TRAF3IP3: variants seen among roughly 807,000 people sequenced by gnomAD.
TRAF3IP3 encodes TRAF3 interacting protein 3, also known as TRAF3-interacting JNK-activating modulator.
In TRAF3IP3, 64 loss-of-function variants were observed where a neutral mutation model predicts 86.5. The observed-to-expected ratio is 0.74, with a 90% CI of 0.60 to 0.91. The LOEUF (loss-of-function observed/expected upper bound fraction) is 0.91, where lower values mean the gene tolerates loss of function less well. Among genes scored for constraint, TRAF3IP3 ranks in the 40% least tolerant of loss-of-function variants. The probability of loss-of-function intolerance (pLI) is 0.00; values close to 1 mark genes in which losing one functional copy is unlikely to be tolerated. For synonymous variants in TRAF3IP3, 220 were observed against 243.9 expected, an observed-to-expected ratio of 0.90 and a Z score of 0.91; for missense variants, 579 against 642.9, an observed-to-expected ratio of 0.90 and a Z score of 1.07.
chr1:209,781,892 T>C, intron 16 of TRAF3IP3, 164 bp from the exon 17 acceptor site: 1 of 606,196 alleles, frequency 1.6e-6, no homozygotes, highest in East Asian at 2.8e-5. Context: ...TAAGTGGTTT[T>C]ATCCCAAGAC....
intron 2 of TRAF3IP3, 134 bp from the exon 3 acceptor site, chr1:209,759,848 T>C (rs1356662968): frequency 2.7e-5 from 16 of 588,656 alleles, no homozygotes; most frequent in Non-Finnish European, 2.4e-5. Context: ...CCCACTTTGA[T>C]ACCACCATGT....
At chr1:209,761,966 GC>G (rs1480327950) in intron 3 of TRAF3IP3, among the ~76,000 whole-genome samples, 4 of 152,280 alleles carry the variant, frequency 2.6e-5, no homozygotes, top group African/African-American at 4.8e-5. Context: ...GACCATTTCT[GC>G]CAGTCAGGAC....
intron 8 of TRAF3IP3, among the ~76,000 whole-genome samples, chr1:209,770,675 ATGGAGGTGTGTGTGTGCATG>A (rs1558018970): frequency 0.044 from 2,880 of 65,126 alleles, 32 homozygotes; most frequent in South Asian, 0.11. Context: ...GTGTGTGCAT[ATGGAGGTGTGTGTGTGCATG>A]TGGAGGTGTG....
intron 1 of TRAF3IP3, among the ~76,000 whole-genome samples, 159 bp downstream of exon 1, chr1:209,756,468 G>T (rs559261579): frequency 1.3e-5 from 2 of 152,224 alleles, no homozygotes; most frequent in African/African-American, 2.4e-5. Flanking sequence ...ATCCTGTATT[G>T]GTTTCCTGTG....
chr1:209,779,285 C>T, intron 13 of TRAF3IP3, 30 bp from the exon 14 acceptor site: 2 of 1,603,652 alleles, frequency 1.2e-6, no homozygotes, highest in Non-Finnish European at 1.7e-6. Flanking sequence ...AATATGCTAG[C>T]ATAGACAAGT....
intron 1 of TRAF3IP3, among the ~76,000 whole-genome samples, chr1:209,757,930 TAATA>T (rs2077181804): frequency 6.6e-6 from 1 of 152,182 alleles, no homozygotes; most frequent in Non-Finnish European, 1.5e-5. Context: ...TAGAGATGTT[TAATA>T]GCTTATCTAA....
In TRAF3IP3 at chr1:209,760,087, T is replaced by G; in HGVS notation, c.48T>G (p.Ala16=). Residue 16 remains alanine (A), a synonymous_variant, in exon 3 of 17, where the codon GCT becomes GCG. Coordinates refer to ENST00000367025, the MANE Select transcript of TRAF3IP3 (RefSeq NM_025228.4). ...CCTCCCCTGGCTTGGCCCGGTGGGC[T>G]GAGAGCTATGAGGCCAAGTGTGAGC... ...PRPSPGLARW[A]ESYEAKCERR... is the part of the protein sequence containing the mutation. The G allele has an allele frequency of 6.2e-7, 1 of 1,614,068 alleles. No individual in the cohort carries two copies. Among genetic ancestry groups the G allele is most frequent in the Non-Finnish European group, 8.5e-7 (1 of 1,179,986 alleles).
At position 209,762,806 on chromosome 1, in the gene TRAF3IP3, C is replaced by T; in HGVS notation, c.494-7C>T. The stretch of plus-strand genomic sequence containing the variant: ...AGTTCTAAATCAACTTATCCTCCAT[C>T]TCTCAGGTACTCAGACAAAGGCAGA... On this transcript the variant is annotated splice_polypyrimidine_tract_variant and splice_region_variant and intron_variant, in intron 4 of 16. Transcript: ENST00000367025. 6.5e-7 allele frequency: 1 copy of T among 1,543,928 alleles called. No homozygotes were observed. The highest frequency in any genetic ancestry group is 1.1e-5 in the South Asian group (1 of 89,822).
intron 11 of TRAF3IP3, 35 bp from the exon 12 acceptor site, chr1:209,777,317 C>A (rs1183546751): frequency 5.8e-6 from 9 of 1,564,906 alleles, no homozygotes; most frequent in Admixed American, 3.4e-5. Flanking sequence ...CCAACACTGA[C>A]CTCCTTCTAT....
At chr1:209,771,961 G>A (rs1571946593) in intron 8 of TRAF3IP3, among the ~76,000 whole-genome samples, 1 of 134,944 alleles carries the variant, frequency 7.4e-6, no homozygotes, top group East Asian at 3.1e-4. Flanking sequence ...ATGTGAAGGT[G>A]TGTGTGTGCA....
At chr1:209,768,122 A>G in intron 8 of TRAF3IP3, 5 of 984,974 alleles carry the variant, frequency 5.1e-6, no homozygotes, top group Non-Finnish European at 6.0e-6. Flanking sequence ...ATAAAAGTAT[A>G]GCCCCAAACT....
chr1:209,771,945 G>C (rs1348314746), intron 8 of TRAF3IP3, among the ~76,000 whole-genome samples: 1 of 141,844 alleles, frequency 7.1e-6, no homozygotes, highest in African/African-American at 2.6e-5. Context: ...GCAGGTGTGC[G>C]TGTGCATGTG....
Position 209,760,311 on chromosome 1 carries a change from G to A in TRAF3IP3, c.272G>A (p.Arg91Lys), listed in dbSNP as rs1234539851. The A allele has an allele frequency of 1.9e-6, 3 of 1,614,072 alleles. No individual in the cohort carries two copies. The Admixed American group carries it at 5.0e-5, about 27-fold the overall frequency. Residue 91 changes from arginine (R) to lysine (K), a missense_variant, in exon 3 of 17, where the codon AGG (arginine) becomes AAG (lysine). Transcript: ENST00000367025. ...CAGGCCAGGGAGCAAGGGCCCTCCAGGCGGCCAGGACAGGTGACTGTCCTC... is the reference window on the plus strand; with the variant it reads ...CAGGCCAGGGAGCAAGGGCCCTCCAAGCGGCCAGGACAGGTGACTGTCCTC... ...HPQAREQGPS[R>K]RPGQVTVLKE...
intron 8 of TRAF3IP3, among the ~76,000 whole-genome samples, chr1:209,764,508 G>A (rs773061771): frequency 7.2e-5 from 11 of 152,084 alleles, no homozygotes; most frequent in South Asian, 2.1e-4. Context: ...TTGGGAGCCC[G>A]AGGCGGGTGG....
chr1:209,779,261 A>T, intron 13 of TRAF3IP3, 54 bp from the exon 14 acceptor site: 2 of 1,520,752 alleles, frequency 1.3e-6, no homozygotes, highest in Non-Finnish European at 1.8e-6. Flanking sequence ...CTGAAAAGAA[A>T]ACTTTTTGTA....
At chr1:209,757,750 T>C (rs1422210982) in intron 1 of TRAF3IP3, among the ~76,000 whole-genome samples, 1 of 152,214 alleles carries the variant, frequency 6.6e-6, no homozygotes, top group East Asian at 1.9e-4. Context: ...AGGATAATAT[T>C]CGCAATTACT....
chr1:209,764,138 G>A (rs1184829467), intron 8 of TRAF3IP3, among the ~76,000 whole-genome samples: 7 of 152,194 alleles, frequency 4.6e-5, no homozygotes, highest in Non-Finnish European at 1.0e-4. Flanking sequence ...TCAGGCCTTT[G>A]ATTTTAGTCC....
chr1:209,771,042 A>G (rs1419287105), intron 8 of TRAF3IP3, among the ~76,000 whole-genome samples: 7 of 51,030 alleles, frequency 1.4e-4, no homozygotes, highest in South Asian at 7.5e-4. Flanking sequence ...GCTCAGGTGG[A>G]AGTGTGCGTG....
intron 15 of TRAF3IP3, chr1:209,780,817 A>G (rs997412053): frequency 2.8e-6 from 1 of 351,388 alleles, no homozygotes; most frequent in Non-Finnish European, 5.0e-6. Flanking sequence ...GTTTTATTAA[A>G]TGATTACCTT....
Sources: gnomAD v4.1 joint callset for allele counts (sites outside exome capture counted in the v4.1 genomes callset) on GRCh38, gnomAD v4.1.1 for gene constraint, MANE v1.5 for transcripts, NCBI Gene and HGNC (gene_info 2026-07-23, HGNC 2026-07-21) for gene names.